MKX: variants seen among roughly 807,000 people sequenced by gnomAD.
MKX encodes mohawk homeobox.
A neutral mutation model predicts 36.0 loss-of-function variants in MKX; 13 were observed. That is an observed-to-expected ratio of 0.36 (90% CI 0.24 to 0.57). The LOEUF is 0.57. Ranked by LOEUF, MKX falls within the 20% of genes least tolerant of loss-of-function variation. The probability of loss-of-function intolerance (pLI) is 0.79; values close to 1 mark genes in which losing one functional copy is unlikely to be tolerated. For synonymous variants in MKX, 176 were observed against 178.3 expected, an observed-to-expected ratio of 0.99 and a Z score of 0.10; for missense variants, 458 against 456.4, an observed-to-expected ratio of 1.00 and a Z score of -0.03.
intron 5 of MKX, among the ~76,000 whole-genome samples, chr10:27,711,496 T>TC (rs11450247): frequency 0.17 from 15,148 of 89,060 alleles, 2,130 homozygotes; most frequent in African/African-American, 0.36. Flanking sequence ...TCTCTCTCTC[T>TC]TCTTTCCTTC....
At position 27,741,631 on chromosome 10, in the gene MKX, G is replaced by A; in HGVS notation, c.189-127C>T. 1 of 1,128,204 alleles carries A rather than the reference G, an allele frequency of 8.9e-7. No homozygotes were observed. Among genetic ancestry groups the A allele is most frequent in the South Asian group, 1.7e-5 (1 of 58,014 alleles). 69.9% of individuals were successfully genotyped at this position (1,128,204 alleles called of 1,614,324 possible). On this transcript the variant is annotated intron_variant, in intron 2 of 6. Coordinates refer to ENST00000419761, the MANE Select transcript of MKX (RefSeq NM_173576.3). The surrounding 1 kb of genome is among the most constrained non-coding windows in gnomAD (Gnocchi z 5.1). ...TTCCTGCCTTGCGCCCCTGCTTTGC[G>A]CGCGCCCAGAGTGTTTGGGAGAGGC...
At chr10:27,690,615 G>T (rs1291684770) in intron 5 of MKX, among the ~76,000 whole-genome samples, 2 of 152,138 alleles carry the variant, frequency 1.3e-5, no homozygotes, top group African/African-American at 4.8e-5. Flanking sequence ...TACGGTTGCT[G>T]TGGGGATAAA....
Position 27,694,825 on chromosome 10 carries a change from G to C in MKX, c.839-19271C>G, listed in dbSNP as rs574785058. ...ATCAAAGTATCATACAAAAAAGCCT[G>C]GCACTCGTACACAAGAGTAAACAGA... On this transcript the variant is annotated intron_variant, in intron 5 of 6. Transcript: ENST00000419761. Among the ~76,000 whole-genome samples, 56 of 151,696 alleles carry C rather than the reference G, an allele frequency of 3.7e-4. No homozygotes were observed. In the South Asian group the frequency reaches 0.011, roughly 30 times the overall value.
chr10:27,706,764 G>A (rs1378866514), intron 5 of MKX, among the ~76,000 whole-genome samples: 1 of 151,860 alleles, frequency 6.6e-6, no homozygotes, highest in Non-Finnish European at 1.5e-5. Flanking sequence ...TTTTTTTGTT[G>A]TTGAGTTGAA....
At chr10:27,728,892 T>C (rs537510516) in intron 5 of MKX, among the ~76,000 whole-genome samples, 2 of 152,322 alleles carry the variant, frequency 1.3e-5, no homozygotes, top group Middle Eastern at 6.8e-3. Flanking sequence ...TCTACATCCT[T>C]GTTCCTCTTT....
chr10:27,737,048 G>C (rs998656706), intron 3 of MKX, among the ~76,000 whole-genome samples: 3 of 152,148 alleles, frequency 2.0e-5, no homozygotes, highest in African/African-American at 7.2e-5. Flanking sequence ...TCCTAGGAAT[G>C]AATAAGCTTT....
At position 27,743,395 on chromosome 10, in the gene MKX, G is replaced by A. The variant is rs1355461944; in HGVS notation, c.21C>T (p.Asn7=). The A allele has an allele frequency of 2.6e-6, 4 of 1,565,940 alleles. No homozygotes were observed. In the African/African-American group the frequency reaches 4.1e-5, roughly 16 times the overall value. ...CAAACAGCACCGCACCGCTGAGCTT[G>A]TTGAAGACGATGGTGTTCATGGTGT... The part of the protein sequence containing the change: MNTIVF[N]KLSGAVLFED... Residue 7 remains asparagine (N), a synonymous_variant, in exon 2 of 7, where the codon AAC becomes AAT. Coordinates refer to ENST00000419761, the MANE Select transcript of MKX (RefSeq NM_173576.3).
chr10:27,730,950 C>T (rs1033394438), intron 5 of MKX, among the ~76,000 whole-genome samples: 7 of 151,340 alleles, frequency 4.6e-5, no homozygotes, highest in Non-Finnish European at 8.9e-5. Context: ...CTGGCTAACA[C>T]GGTGAAACCC....
intron 5 of MKX, among the ~76,000 whole-genome samples, chr10:27,675,983 A>G (rs1169605650): frequency 6.6e-6 from 1 of 152,150 alleles, no homozygotes. Context: ...AAAATCAGGG[A>G]GCTTTGGCTG....
At chr10:27,682,678 T>G (rs1836275505) in intron 5 of MKX, among the ~76,000 whole-genome samples, 1 of 152,086 alleles carries the variant, frequency 6.6e-6, no homozygotes, top group Non-Finnish European at 1.5e-5. Context: ...TTAGTTAGAT[T>G]CTCAAAAGAA....
At chr10:27,710,522 G>A (rs902525383) in intron 5 of MKX, among the ~76,000 whole-genome samples, 2 of 152,148 alleles carry the variant, frequency 1.3e-5, no homozygotes, top group Admixed American at 6.5e-5. Flanking sequence ...TCCTCCTCTG[G>A]GGGCAGCATG....
At chr10:27,685,885 C>T (rs945236051) in intron 5 of MKX, among the ~76,000 whole-genome samples, 14 of 152,146 alleles carry the variant, frequency 9.2e-5, no homozygotes, top group African/African-American at 3.1e-4. Flanking sequence ...GTTATCCTCT[C>T]TTTGGGACAG....
chr10:27,693,876 C>T (rs1016717078), intron 5 of MKX, among the ~76,000 whole-genome samples: 3 of 152,082 alleles, frequency 2.0e-5, no homozygotes, highest in Non-Finnish European at 4.4e-5. Flanking sequence ...CCCACAATTC[C>T]CATGTGCAGT....
Position 27,673,267 on chromosome 10 carries a change from GA to G in MKX, c.*1961del. 6.6e-6 allele frequency: 1 copy of G among 152,176 alleles called. No homozygotes were observed. The highest frequency in any genetic ancestry group is 2.1e-4 in the South Asian group (1 of 4,828). 9.4% of individuals were successfully genotyped at this position (152,176 alleles called of 1,614,324 possible). A position where few individuals can be genotyped will look rare whatever the true frequency, so the allele number is the denominator to read the frequency against. ...GTCATCTATAATTTATAACATAGAA[GA>G]AATTTGCTGATTTTTTTAAAAAGAT... On this transcript the variant is annotated 3_prime_UTR_variant, in exon 7 of 7. Coordinates refer to ENST00000419761, the MANE Select transcript of MKX (RefSeq NM_173576.3).
chr10:27,725,429 T>C (rs1834467419), intron 5 of MKX, among the ~76,000 whole-genome samples: 1 of 152,060 alleles, frequency 6.6e-6, no homozygotes, highest in African/African-American at 2.4e-5. Flanking sequence ...AGTGAACACA[T>C]TTATTATTAT....
At chr10:27,739,035 A>C (rs999172225) in intron 3 of MKX, among the ~76,000 whole-genome samples, 2 of 152,138 alleles carry the variant, frequency 1.3e-5, no homozygotes, top group African/African-American at 4.8e-5. Flanking sequence ...ATCTAGGAAC[A>C]TAGCAGTTTT....
At chr10:27,743,599 G>A in intron 1 of MKX, 102 bp from the exon 2 acceptor site, 1 of 633,488 alleles carries the variant, frequency 1.6e-6, no homozygotes, top group Non-Finnish European at 2.5e-6. Context: ...CTGCGGAGCC[G>A]AGGGGAGGAG....
intron 5 of MKX, among the ~76,000 whole-genome samples, chr10:27,729,940 C>T (rs1834587817): frequency 6.6e-6 from 1 of 151,954 alleles, no homozygotes. Flanking sequence ...GGGTCCTTAT[C>T]CTGGCACCAC....
chr10:27,696,333 G>C (rs1305460678), intron 5 of MKX, among the ~76,000 whole-genome samples: 1 of 152,094 alleles, frequency 6.6e-6, no homozygotes, highest in African/African-American at 2.4e-5. Context: ...GTCAGACACG[G>C]GTACCCAATA....
Sources: gnomAD v4.1 joint callset for allele counts (sites outside exome capture counted in the v4.1 genomes callset) on GRCh38, gnomAD v4.1.1 for gene constraint, Gnocchi (gnomAD v3.1) non-coding constraint, MANE v1.5 for transcripts, NCBI Gene and HGNC (gene_info 2026-07-23, HGNC 2026-07-21) for gene names.